ZC3H12B: variants seen among roughly 807,000 people sequenced by gnomAD.
ZC3H12B encodes zinc finger CCCH-type containing 12B, also known as probable ribonuclease ZC3H12B.
In ZC3H12B, 7 loss-of-function variants were observed where a neutral mutation model predicts 43.9. The observed-to-expected ratio is 0.16, with a 90% CI of 0.09 to 0.30. ZC3H12B has a LOEUF of 0.30. ZC3H12B is among the 10% of genes least tolerant of loss of function. The pLI is 1.00. For missense variants in ZC3H12B, 475 were observed against 670.2 expected (o/e 0.71, Z 3.22); for synonymous variants, 222 against 241.7 (o/e 0.92, Z 0.76).
intron 3 of ZC3H12B, among the ~76,000 whole-genome samples, chrX:65,445,684 G>T (rs1274896235): frequency 8.9e-6 from 1 of 112,154 alleles, no homozygotes; most frequent in African/African-American, 3.2e-5. Flanking sequence ...AGGCACAAGG[G>T]CTCTTTAGTT....
chrX:65,207,099 G>T, the ZC3H12B span, among the ~76,000 whole-genome samples: 1 of 106,406 alleles, frequency 9.4e-6, no homozygotes, highest in African/African-American at 3.7e-5. Flanking sequence ...ATCAGTATGG[G>T]GATTCCTTCA....
the ZC3H12B span, among the ~76,000 whole-genome samples, chrX:65,241,642 G>C: frequency 8.9e-6 from 1 of 112,870 alleles, no homozygotes; most frequent in Non-Finnish European, 1.9e-5. Flanking sequence ...TTTTCAGGCA[G>C]ACTGCCTGGA....
At chrX:65,368,472 G>C (rs917272825) in intron 1 of ZC3H12B, among the ~76,000 whole-genome samples, 1 of 111,686 alleles carries the variant, frequency 9.0e-6, no homozygotes. Flanking sequence ...CTGTTCATCC[G>C]TGGTTCTCTT....
chrX:65,143,046 G>T, the ZC3H12B span, among the ~76,000 whole-genome samples: 1 of 110,572 alleles, frequency 9.0e-6, no homozygotes, highest in East Asian at 2.8e-4. Context: ...AAGAATAATG[G>T]TGGTATTTTG....
chrX:65,080,188 G>GAAAAAAAAAA, the ZC3H12B span, among the ~76,000 whole-genome samples: 1 of 57,059 alleles, frequency 1.8e-5, no homozygotes, highest in Non-Finnish European at 3.5e-5. Flanking sequence ...GAAGACAAAA[G>GAAAAAAAAAA]AAAAAAAAAA....
chrX:65,118,527 C>A, the ZC3H12B span, among the ~76,000 whole-genome samples: 2 of 111,411 alleles, frequency 1.8e-5, no homozygotes, highest in Admixed American at 9.6e-5. Context: ...ATTTGACTTC[C>A]TCTTTTCCTA....
At chrX:65,263,268 T>A in the ZC3H12B span, among the ~76,000 whole-genome samples, 18 of 111,297 alleles carry the variant, frequency 1.6e-4, no homozygotes, top group Non-Finnish European at 3.4e-4. Flanking sequence ...ATAATTATAA[T>A]ACATTGTGAT....
the ZC3H12B span, among the ~76,000 whole-genome samples, chrX:65,131,581 G>T: frequency 6.2e-4 from 69 of 111,377 alleles, no homozygotes; most frequent in African/African-American, 2.2e-3. Context: ...AAAGATTTAG[G>T]ATCTGTGGGG....
chrX:65,477,838 T>C (rs2068015914), intron 3 of ZC3H12B, among the ~76,000 whole-genome samples: 1 of 109,356 alleles, frequency 9.1e-6, no homozygotes, highest in African/African-American at 3.3e-5. Flanking sequence ...TGTGTGTGTG[T>C]GTGTGTGTGT....
At chrX:65,408,661 T>C in intron 3 of ZC3H12B, 6 of 1,015,814 alleles carry the variant, frequency 5.9e-6, no homozygotes, top group Non-Finnish European at 8.2e-6. Context: ...ACCACAGAGA[T>C]GAGAGGCCCG....
At chrX:65,492,989 G>C (rs764237348) in intron 1 of ZC3H12B, among the ~76,000 whole-genome samples, 26 of 111,205 alleles carry the variant, frequency 2.3e-4, no homozygotes, top group African/African-American at 8.5e-4. Flanking sequence ...CGTAGTCCCA[G>C]CTACTTGGGG....
At chrX:65,235,870 G>A in the ZC3H12B span, among the ~76,000 whole-genome samples, 3 of 111,408 alleles carry the variant, frequency 2.7e-5, no homozygotes, top group Non-Finnish European at 5.6e-5. Flanking sequence ...CATGTTCTGG[G>A]TTCTTGTTTC....
At chrX:65,350,557 T>A in the ZC3H12B span, among the ~76,000 whole-genome samples, 195 of 111,956 alleles carry the variant, frequency 1.7e-3, 3 homozygotes, top group East Asian at 0.038. Flanking sequence ...GCAGATGACA[T>A]AATTTTATAT....
At chrX:65,185,791 G>A in the ZC3H12B span, 1 of 111,211 alleles carries the variant, frequency 9.0e-6, no homozygotes, top group Non-Finnish European at 1.9e-5. Flanking sequence ...GGAACTTCAA[G>A]CAGAATTAAT....
At chrX:65,309,340 A>G in the ZC3H12B span, among the ~76,000 whole-genome samples, 3 of 111,994 alleles carry the variant, frequency 2.7e-5, no homozygotes, top group African/African-American at 9.7e-5. Flanking sequence ...CAGAAATACA[A>G]ATTACTATCA....
chrX:65,262,479 T>A, the ZC3H12B span, among the ~76,000 whole-genome samples: 1 of 111,598 alleles, frequency 9.0e-6, no homozygotes, highest in Non-Finnish European at 1.9e-5. Flanking sequence ...ATCATTTTTG[T>A]CAATTTGGGT....
At chrX:65,128,812 C>T in the ZC3H12B span, among the ~76,000 whole-genome samples, 1 of 111,718 alleles carries the variant, frequency 9.0e-6, no homozygotes, top group Admixed American at 9.5e-5. Context: ...TCCTTTGTCT[C>T]TCATATTTTC....
chrX:65,278,249 A>T, the ZC3H12B span, among the ~76,000 whole-genome samples: 1 of 111,792 alleles, frequency 8.9e-6, no homozygotes, highest in Non-Finnish European at 1.9e-5. Flanking sequence ...GGCTCATTAT[A>T]TGCTAATTAT....
chrX:65,284,755 C>G, the ZC3H12B span, among the ~76,000 whole-genome samples: 1 of 109,167 alleles, frequency 9.2e-6, no homozygotes, highest in Non-Finnish European at 1.9e-5. Context: ...GAGTGAAACT[C>G]CATCTCAAAA....
Sources: allele counts gnomAD v4.1 joint callset (sites outside exome capture counted in the v4.1 genomes callset), GRCh38; gene constraint gnomAD v4.1.1; transcripts MANE v1.5; gene names NCBI Gene and HGNC (gene_info 2026-07-23, HGNC 2026-07-21).